The following MED13L variants were observed in gnomAD, a reference collection of about 807,000 sequenced individuals.
The protein encoded by MED13L is mediator of RNA polymerase II transcription subunit 13-like.
MED13L carries 7 observed loss-of-function variants against 220.9 expected under a neutral mutation model. The observed-to-expected ratio is 0.03, with a 90% CI of 0.02 to 0.06. The LOEUF is 0.06. Ranked by LOEUF, MED13L falls within the 10% of genes least tolerant of loss-of-function variation. The pLI, the probability that MED13L is intolerant of heterozygous loss-of-function variation, is 1.00. For missense variants in MED13L, 1,965 were observed against 2,760.5 expected (o/e 0.71, Z 6.46); for synonymous variants, 1,011 against 1,015.2 (o/e 1.00, Z 0.08).
intron 4 of MED13L, among the ~76,000 whole-genome samples, chr12:116,040,530 T>C (rs997320607): frequency 6.6e-6 from 1 of 152,196 alleles, no homozygotes; most frequent in Non-Finnish European, 1.5e-5. Flanking sequence ...TGGAATTCAG[T>C]AGTCATTGCC....
intron 2 of MED13L, among the ~76,000 whole-genome samples, chr12:116,155,836 A>G (rs1878383915): frequency 6.6e-6 from 1 of 152,210 alleles, no homozygotes; most frequent in Non-Finnish European, 1.5e-5. Flanking sequence ...TATTGATTCT[A>G]GGTCCCAAGC....
chr12:116,033,642 T>A (rs1880990550), intron 4 of MED13L, among the ~76,000 whole-genome samples: 1 of 152,194 alleles, frequency 6.6e-6, no homozygotes, highest in Non-Finnish European at 1.5e-5. Context: ...GTCATGTCAG[T>A]TTGTGAGTAG....
At chr12:115,965,760 T>A (rs2278488) in intron 29 of MED13L, among the ~76,000 whole-genome samples, 14,324 of 152,182 alleles carry the variant, frequency 0.094, 790 homozygotes, top group East Asian at 0.21. Flanking sequence ...AGGCTTAACT[T>A]TACTGATAGT....
rs1339479326 is a variant in MED13L, at chr12:116,268,415, ACCT to A, written c.72+8642_72+8644del. Among the ~76,000 whole-genome samples the A allele has an allele frequency of 2.6e-5, 4 of 152,346 alleles. No homozygotes were observed. In the East Asian group the frequency reaches 7.7e-4, roughly 29 times the overall value. ...TCAAACCAATTATACTCTTCTGAAT[ACCT>A]TATTAGTGCTCATATTAAGTTCAGA... On this transcript the variant is annotated intron_variant, in intron 1 of 30. Coordinates refer to ENST00000281928, the MANE Select transcript of MED13L (RefSeq NM_015335.5).
At chr12:116,131,188 G>A (rs1186235559) in intron 2 of MED13L, among the ~76,000 whole-genome samples, 3 of 152,142 alleles carry the variant, frequency 2.0e-5, no homozygotes, top group Non-Finnish European at 2.9e-5. Context: ...AGTTCCACTA[G>A]TTCAATTCTA....
chr12:115,978,122 TAAG>T (rs1877071850), intron 23 of MED13L, among the ~76,000 whole-genome samples: 1 of 152,074 alleles, frequency 6.6e-6, no homozygotes, highest in Non-Finnish European at 1.5e-5. Context: ...ATTCCATCTA[TAAG>T]AAATGTCCAG....
In MED13L at chr12:116,008,759, T is replaced by G. The variant is rs371805787; in HGVS notation, c.1654A>C (p.Ile552Leu). The G allele has an allele frequency of 2.5e-6, 4 of 1,614,002 alleles. No individual in the cohort carries two copies. Among genetic ancestry groups the G allele is most frequent in the Admixed American group, 1.7e-5 (1 of 60,000 alleles). Residue 552 changes from isoleucine (I) to leucine (L), a missense_variant, in exon 10 of 31, where the codon ATA becomes CTA. This residue lies in a region of MED13L where 818 missense variants were observed against 1,041.2 expected (regional missense o/e 0.79). Coordinates refer to ENST00000281928, the MANE Select transcript of MED13L (RefSeq NM_015335.5). ...CTGAGTGTTGGTGGCAGAGGGGATA[T>G]AGGGGAATGAGGTGAATCCATAGGA... ...LNPMDSPHSP[I>L]SPLPPTLSPQ...
chr12:116,207,340 C>G (rs1356708729), intron 2 of MED13L, among the ~76,000 whole-genome samples: 1 of 152,088 alleles, frequency 6.6e-6, no homozygotes, highest in East Asian at 1.9e-4. Context: ...CAAACACTTA[C>G]CATTGTGTTA....
intron 2 of MED13L, among the ~76,000 whole-genome samples, chr12:116,221,165 A>C (rs1282883059): frequency 6.6e-6 from 1 of 152,160 alleles, no homozygotes; most frequent in African/African-American, 2.4e-5. Flanking sequence ...GCTTGAGCCC[A>C]GGAGTTCAAG....
chr12:116,190,077 T>A lies in MED13L; in HGVS notation c.310+47391A>T, dbSNP rs185041679. Among the ~76,000 whole-genome samples the A allele has an allele frequency of 1.4e-3, 208 of 152,320 alleles. 1 individual carries two copies. Among genetic ancestry groups the A allele is most frequent in the African/African-American group, 4.7e-3 (195 of 41,576 alleles). ...TATGCCTTACTGCACTGGCTAGAAC[T>A]TTGGTATTATATTGAATAAAAATGG... On this transcript the variant is annotated intron_variant, in intron 2 of 30. Coordinates refer to ENST00000281928, the MANE Select transcript of MED13L (RefSeq NM_015335.5).
At chr12:116,257,357 T>C (rs1872148399) in intron 1 of MED13L, among the ~76,000 whole-genome samples, 1 of 152,168 alleles carries the variant, frequency 6.6e-6, no homozygotes, top group African/African-American at 2.4e-5. Context: ...AAGAACTACA[T>C]CTCCCAGCCT....
intron 13 of MED13L, among the ~76,000 whole-genome samples, chr12:116,004,763 G>A (rs1379785250): frequency 2.6e-5 from 4 of 151,972 alleles, no homozygotes; most frequent in African/African-American, 9.7e-5. Flanking sequence ...AGACCATTAT[G>A]ATCTCCTCAT....
chr12:115,975,429 C>T lies in MED13L; in HGVS notation c.5588+86G>A, dbSNP rs970887077. 4.5e-5 allele frequency: 71 copies of T among 1,590,946 alleles called. 1 individual carries two copies. Among genetic ancestry groups the T allele is most frequent in the Non-Finnish European group, 5.8e-5 (68 of 1,162,982 alleles). On this transcript the variant is annotated intron_variant, in intron 24 of 30. Coordinates refer to ENST00000281928, the MANE Select transcript of MED13L (RefSeq NM_015335.5). ...GAACCTATCCATGCTGTACCCACTT[C>T]ATTTACATAGAAAACTGGAAATATT...
intron 1 of MED13L, among the ~76,000 whole-genome samples, chr12:116,265,127 C>T (rs1593225662): frequency 1.3e-5 from 2 of 152,226 alleles, no homozygotes; most frequent in Non-Finnish European, 2.9e-5. Context: ...GCCCAAATAG[C>T]AAACCTTCCC....
At chr12:116,117,096 C>A (rs1874587538) in intron 2 of MED13L, among the ~76,000 whole-genome samples, 1 of 151,832 alleles carries the variant, frequency 6.6e-6, no homozygotes, top group Admixed American at 6.6e-5. Context: ...AATATCTATA[C>A]AATGGGCTAC....
intron 2 of MED13L, among the ~76,000 whole-genome samples, chr12:116,192,586 G>A (rs983210372): frequency 2.6e-5 from 4 of 152,024 alleles, no homozygotes; most frequent in African/African-American, 4.8e-5. Context: ...TAGACATACC[G>A]GAAACATAAA....
Position 116,116,496 on chromosome 12 carries a change from T to C in MED13L, c.311-4984A>G, listed in dbSNP as rs1874531699. 3.3e-5 allele frequency among the ~76,000 whole-genome samples: 5 copies of C among 152,116 alleles called. No individual in the cohort carries two copies. The South Asian group carries it at 1.0e-3, about 32-fold the overall frequency. ...CTATGCATCTCTTCCATTTGGCTGT[T>C]CTCTGTACCCTTTGTAATAAACCAG... On this transcript the variant is annotated intron_variant, in intron 2 of 30. Coordinates refer to ENST00000281928, the MANE Select transcript of MED13L (RefSeq NM_015335.5).
intron 2 of MED13L, among the ~76,000 whole-genome samples, chr12:116,209,592 T>C (rs1313291966): frequency 1.3e-5 from 2 of 152,196 alleles, no homozygotes; most frequent in African/African-American, 2.4e-5. Context: ...TTACATATTC[T>C]AACCCATCTG....
At chr12:116,271,498 G>A (rs1263662958) in intron 1 of MED13L, among the ~76,000 whole-genome samples, 1 of 151,756 alleles carries the variant, frequency 6.6e-6, no homozygotes, top group East Asian at 1.9e-4. Context: ...GGAGGCTGAG[G>A]CAGGAGAATG....
Sources: allele counts gnomAD v4.1 joint callset (sites outside exome capture counted in the v4.1 genomes callset), GRCh38; gene constraint gnomAD v4.1.1; regional missense constraint gnomAD v4.1.1; transcripts MANE v1.5; gene names NCBI Gene and HGNC (gene_info 2026-07-23, HGNC 2026-07-21).